The following DLGAP1 variants were observed in gnomAD, a reference collection of about 807,000 sequenced individuals.
DLGAP1 encodes the protein disks large-associated protein 1.
Under a neutral mutation model 90.8 loss-of-function variants are expected in DLGAP1, and 11 were observed. The observed-to-expected ratio is 0.12, with a 90% CI of 0.08 to 0.20. The LOEUF (loss-of-function observed/expected upper bound fraction) is 0.20. Ranked by LOEUF, DLGAP1 falls within the 10% of genes least tolerant of loss-of-function variation. The probability of loss-of-function intolerance (pLI) is 1.00; values close to 1 mark genes in which losing one functional copy is unlikely to be tolerated. For synonymous variants in DLGAP1, 558 were observed against 540.7 expected (o/e 1.03, Z -0.44); for missense variants, 1,050 against 1,333.8 (o/e 0.79, Z 3.31).
intron 3 of DLGAP1, among the ~76,000 whole-genome samples, chr18:3,918,767 A>T (rs1355509683): frequency 6.6e-6 from 1 of 152,218 alleles, no homozygotes; most frequent in East Asian, 1.9e-4. Flanking sequence ...GATAGACCAT[A>T]GATCTTAGTG....
At position 3,927,647 on chromosome 18, in the gene DLGAP1, A is replaced by G. The variant is rs561321095; in HGVS notation, c.-72-47507T>C. Among the ~76,000 whole-genome samples, 26 of 152,342 alleles carry G rather than the reference A, an allele frequency of 1.7e-4. No individual in the cohort carries two copies. In the East Asian group the frequency reaches 2.9e-3, roughly 17 times the overall value. ...GTTTTGATGCTGAAAACAGAAACCT[A>G]TATCTGCTAGTAGAGTAAAGAAGTC... On this transcript the variant is annotated intron_variant, in intron 3 of 12. Transcript: ENST00000315677.
At chr18:3,886,517 A>G (rs1413511986) in intron 3 of DLGAP1, among the ~76,000 whole-genome samples, 1 of 146,998 alleles carries the variant, frequency 6.8e-6, no homozygotes, top group Non-Finnish European at 1.5e-5. Context: ...AGATCTTATC[A>G]TTCATTCGGA....
intron 1 of DLGAP1, among the ~76,000 whole-genome samples, chr18:4,246,682 G>A (rs946417109): frequency 6.6e-6 from 1 of 152,144 alleles, no homozygotes; most frequent in Admixed American, 6.5e-5. Context: ...TCCGTCTCGA[G>A]GGTAATTGCT....
At chr18:3,501,778 A>G (rs1264659689) in intron 12 of DLGAP1, among the ~76,000 whole-genome samples, 1 of 152,142 alleles carries the variant, frequency 6.6e-6, no homozygotes, top group Non-Finnish European at 1.5e-5. Context: ...CAGCCTGGGG[A>G]GCTGGACATT....
intron 5 of DLGAP1, among the ~76,000 whole-genome samples, chr18:3,743,437 C>T (rs2063140299): frequency 6.6e-6 from 1 of 151,826 alleles, no homozygotes. Context: ...TCACTGCAAA[C>T]TCCACCTCCC....
At chr18:3,747,626 A>G (rs1045101972) in intron 5 of DLGAP1, among the ~76,000 whole-genome samples, 1 of 152,216 alleles carries the variant, frequency 6.6e-6, no homozygotes, top group Non-Finnish European at 1.5e-5. Context: ...AGAAGAAGTG[A>G]AAGTCCGGCG....
At chr18:4,115,125 T>C (rs1462364972) in intron 2 of DLGAP1, among the ~76,000 whole-genome samples, 2 of 152,170 alleles carry the variant, frequency 1.3e-5, no homozygotes, top group African/African-American at 4.8e-5. Context: ...ATATGCATTA[T>C]TCTCTTAGTG....
At chr18:4,049,061 T>C (rs2143029292) in intron 2 of DLGAP1, among the ~76,000 whole-genome samples, 1 of 152,032 alleles carries the variant, frequency 6.6e-6, no homozygotes, top group African/African-American at 2.4e-5. Flanking sequence ...ACCCCATCTC[T>C]ACTAAAAACA....
At chr18:4,243,828 AC>A (rs2145147363) in intron 1 of DLGAP1, among the ~76,000 whole-genome samples, 1 of 152,140 alleles carries the variant, frequency 6.6e-6, no homozygotes, top group African/African-American at 2.4e-5. Flanking sequence ...TCTTTTTTTT[AC>A]CCTACACTGT....
chr18:4,041,227 C>T (rs906775318), intron 2 of DLGAP1, among the ~76,000 whole-genome samples: 1 of 152,166 alleles, frequency 6.6e-6, no homozygotes, highest in East Asian at 1.9e-4. Context: ...AAAATATGTT[C>T]TATTTCCTTG....
At chr18:4,150,343 G>A (rs551527574) in intron 2 of DLGAP1, among the ~76,000 whole-genome samples, 2 of 152,276 alleles carry the variant, frequency 1.3e-5, no homozygotes, top group Non-Finnish European at 2.9e-5. Context: ...AATGAAAGGA[G>A]TGGAGATGAT....
chr18:3,688,209 C>A (rs1255752236), intron 7 of DLGAP1, among the ~76,000 whole-genome samples: 1 of 152,100 alleles, frequency 6.6e-6, no homozygotes, highest in Non-Finnish European at 1.5e-5. Context: ...CCGCACCCGG[C>A]CCAGAGACTG....
chr18:3,624,425 C>A (rs1483915233), intron 7 of DLGAP1, among the ~76,000 whole-genome samples: 1 of 152,184 alleles, frequency 6.6e-6, no homozygotes, highest in Admixed American at 6.5e-5. Flanking sequence ...TTTTTCCTCA[C>A]CTACCGCATG....
chr18:3,757,864 C>T (rs530749947), intron 5 of DLGAP1, among the ~76,000 whole-genome samples: 300 of 152,042 alleles, frequency 2.0e-3, no homozygotes, highest in Admixed American at 3.5e-3. Flanking sequence ...GCCTGTAATC[C>T]CAGCACTTTG....
chr18:3,842,893 C>A (rs2068799927), intron 4 of DLGAP1, among the ~76,000 whole-genome samples: 2 of 152,174 alleles, frequency 1.3e-5, no homozygotes, highest in African/African-American at 4.8e-5. Context: ...ATAACCAAGT[C>A]CAGTGATACT....
intron 1 of DLGAP1, among the ~76,000 whole-genome samples, chr18:4,390,406 A>C (rs2082317945): frequency 6.6e-6 from 1 of 151,756 alleles, no homozygotes; most frequent in Non-Finnish European, 1.5e-5. Context: ...ATCAGGGCTC[A>C]TTCTCGGTGT....
chr18:3,948,687 G>T (rs940681105), intron 3 of DLGAP1, among the ~76,000 whole-genome samples: 1 of 152,168 alleles, frequency 6.6e-6, no homozygotes, highest in African/African-American at 2.4e-5. Context: ...TCTAAGTGAT[G>T]TAACTCAGGA....
intron 1 of DLGAP1, among the ~76,000 whole-genome samples, chr18:4,199,567 G>A (rs576000407): frequency 2.8e-3 from 432 of 152,218 alleles, no homozygotes; most frequent in Admixed American, 4.4e-3. Flanking sequence ...TGTGAACTGG[G>A]GAAACTGTTC....
intron 3 of DLGAP1, among the ~76,000 whole-genome samples, chr18:3,892,781 C>A (rs1488553106): frequency 2.0e-5 from 3 of 151,956 alleles, no homozygotes; most frequent in East Asian, 3.9e-4. Context: ...TGGCTCAGAG[C>A]AGCACATTCT....
Sources: gnomAD v4.1 joint callset for allele counts (sites outside exome capture counted in the v4.1 genomes callset) on GRCh38, gnomAD v4.1.1 for gene constraint, MANE v1.5 for transcripts, NCBI Gene and HGNC (gene_info 2026-07-23, HGNC 2026-07-21) for gene names.